Variants in SEPSECS observed in about 807,000 individuals in gnomAD.
SEPSECS encodes the protein Sep (O-phosphoserine) tRNA:Sec (selenocysteine) tRNA synthase.
Under a neutral mutation model 52.1 loss-of-function variants are expected in SEPSECS, and 42 were observed. That is an observed-to-expected ratio of 0.81 (90% CI 0.63 to 1.04). SEPSECS has a LOEUF of 1.04. SEPSECS is among the 50% of genes least tolerant of loss of function. The probability of loss-of-function intolerance (pLI) is 0.00; values close to 1 mark genes in which losing one functional copy is unlikely to be tolerated. For synonymous variants in SEPSECS, 216 were observed against 211.4 expected (o/e 1.02, Z -0.19); for missense variants, 590 against 610.6 (o/e 0.97, Z 0.36).
At position 25,160,285 on chromosome 4, in the gene SEPSECS, C is replaced by A; in HGVS notation, c.85G>T (p.Glu29Ter). 6.4e-7 allele frequency: 1 copy of A among 1,555,636 alleles called. No individual in the cohort carries two copies. The highest frequency in any genetic ancestry group is 1.2e-5 in the South Asian group (1 of 84,762). Residue 29 changes from glutamate to a stop codon, truncating the protein, a stop_gained, in exon 1 of 11, where the codon GAG becomes TAG. Coordinates refer to ENST00000382103, the MANE Select transcript of SEPSECS (RefSeq NM_016955.4). LOFTEE classifies it high-confidence loss of function. ...TCCAGAAGCAGCCGTATGAGGTGCT[C>A]ATGCGAGCGGCGGGCCTCACAGCCC... The part of the protein sequence containing the change: ...RQGCEARRSH[E>*]HLIRLLLEKG...
intron 5 of SEPSECS, among the ~76,000 whole-genome samples, chr4:25,154,248 C>A (rs1431693568): frequency 2.0e-5 from 3 of 151,952 alleles, no homozygotes; most frequent in African/African-American, 7.2e-5. Flanking sequence ...TTCATTATTG[C>A]CAAATAATGT....
chr4:25,158,034 CT>C (rs1355702257), intron 2 of SEPSECS, among the ~76,000 whole-genome samples: 1 of 152,108 alleles, frequency 6.6e-6, no homozygotes, highest in African/African-American at 2.4e-5. Context: ...ATAAAAAACC[CT>C]TTCGTAATTT....
chr4:25,137,908 C>T (rs967100164), intron 8 of SEPSECS, among the ~76,000 whole-genome samples: 7 of 152,134 alleles, frequency 4.6e-5, no homozygotes, highest in Non-Finnish European at 5.9e-5. Flanking sequence ...ACATCATGTC[C>T]TTTGCACGGA....
intron 8 of SEPSECS, among the ~76,000 whole-genome samples, chr4:25,135,743 T>TAAAA (rs573535405): frequency 1.3e-5 from 2 of 148,950 alleles, no homozygotes; most frequent in African/African-American, 4.9e-5. Flanking sequence ...GCAGAAATTT[T>TAAAA]AAAAAAAAAA....
rs1728165241 is a variant in SEPSECS, at chr4:25,122,432, C to G, written c.*1499G>C. On this transcript the variant is annotated 3_prime_UTR_variant, in exon 11 of 11. Transcript: ENST00000382103. ...GCAGCCCAGAAGGCAACACAGCATT[C>G]TCTACCATAGTGTTTTTAAAAGTAT... 1 of 152,200 alleles carries G rather than the reference C, an allele frequency of 6.6e-6. No homozygotes were observed. The highest frequency in any genetic ancestry group is 1.9e-4 in the East Asian group (1 of 5,208). The allele number at this position is 152,200 out of a possible 1,614,324, so 9.4% of individuals were successfully genotyped here.
At position 25,159,125 on chromosome 4, in the gene SEPSECS, A is replaced by G; in HGVS notation, c.115-18T>C. ...CACTTGCCCTTAAAAAAAAAAAAAA[A>G]CTTATGATTATATTTAATAAAACTA... On this transcript the variant is annotated intron_variant, in intron 1 of 10. Coordinates refer to ENST00000382103, the MANE Select transcript of SEPSECS (RefSeq NM_016955.4). The G allele has an allele frequency of 6.6e-7, 1 of 1,506,900 alleles. No homozygotes were observed. The highest frequency in any genetic ancestry group is 1.3e-5 in the South Asian group (1 of 79,804). 93.3% of individuals were successfully genotyped at this position (1,506,900 alleles called of 1,614,324 possible). A position where few individuals can be genotyped will look rare whatever the true frequency, so the allele number is the denominator to read the frequency against.
intron 1 of SEPSECS, 87 bp from the exon 2 acceptor site, chr4:25,159,194 G>A (rs1439577819): frequency 4.2e-6 from 5 of 1,199,356 alleles, no homozygotes; most frequent in African/African-American, 1.6e-5. Flanking sequence ...TCTTTTTAAC[G>A]TGTATTTTGC....
intron 10 of SEPSECS, chr4:25,125,210 G>T (rs955588664): frequency 6.5e-6 from 1 of 153,050 alleles, no homozygotes; most frequent in Non-Finnish European, 1.5e-5. Context: ...TGAAAAATCA[G>T]ATTCATTTTT....
In SEPSECS at chr4:25,125,613, G is replaced by C. The variant is rs1022120075; in HGVS notation, c.1211+81C>G. The C allele has an allele frequency of 8.4e-6, 7 of 837,720 alleles. No individual in the cohort carries two copies. The East Asian group carries it at 1.6e-4, about 19-fold the overall frequency. 51.9% of individuals were successfully genotyped at this position (837,720 alleles called of 1,614,324 possible). A position where few individuals can be genotyped will look rare whatever the true frequency, so the allele number is the denominator to read the frequency against. On this transcript the variant is annotated intron_variant, in intron 10 of 10. Coordinates refer to ENST00000382103, the MANE Select transcript of SEPSECS (RefSeq NM_016955.4). ...GGTATAGTTCAGGATATACTTGGGG[G>C]ACTATTGTTGAGGAAAGGTATTTTA...
At chr4:25,127,444 A>G in intron 8 of SEPSECS, 87 bp from the exon 9 acceptor site, 1 of 976,712 alleles carries the variant, frequency 1.0e-6, no homozygotes, top group Non-Finnish European at 1.6e-6. Flanking sequence ...TATGAAGTCT[A>G]CATTTTAAAT....
At chr4:25,157,120 T>C in intron 2 of SEPSECS, 146 bp from the exon 3 acceptor site, 2 of 696,308 alleles carry the variant, frequency 2.9e-6, no homozygotes, top group Non-Finnish European at 5.3e-6. Context: ...ATTAATGATG[T>C]GGAACTCTCC....
At chr4:25,149,143 C>T (rs187339250) in intron 6 of SEPSECS, among the ~76,000 whole-genome samples, 95 of 152,180 alleles carry the variant, frequency 6.2e-4, no homozygotes, top group African/African-American at 2.2e-3. Flanking sequence ...CTGCAAGCTC[C>T]GCCTCCTGGG....
chr4:25,152,297 C>CA (rs563505534), intron 5 of SEPSECS, among the ~76,000 whole-genome samples: 10 of 151,358 alleles, frequency 6.6e-5, no homozygotes, highest in Non-Finnish European at 1.0e-4. Context: ...TATCAATATA[C>CA]AAAAAAAATA....
intron 10 of SEPSECS, among the ~76,000 whole-genome samples, chr4:25,124,559 C>G (rs1463999043): frequency 6.6e-6 from 1 of 152,086 alleles, no homozygotes; most frequent in Non-Finnish European, 1.5e-5. Flanking sequence ...ACCTCTACAT[C>G]TTCTTTAAAG....
At chr4:25,131,118 G>T (rs1728589254) in intron 8 of SEPSECS, among the ~76,000 whole-genome samples, 1 of 152,168 alleles carries the variant, frequency 6.6e-6, no homozygotes. Flanking sequence ...GATGTTAATG[G>T]AAGAGAAGTT....
chr4:25,142,436 C>G (rs1711627073), intron 8 of SEPSECS, among the ~76,000 whole-genome samples: 1 of 152,166 alleles, frequency 6.6e-6, no homozygotes, highest in African/African-American at 2.4e-5. Context: ...TATTATGTTG[C>G]CTGTTTATTG....
chr4:25,132,016 T>C (rs1172050475), intron 8 of SEPSECS, among the ~76,000 whole-genome samples: 1 of 152,128 alleles, frequency 6.6e-6, no homozygotes, highest in Non-Finnish European at 1.5e-5. Context: ...AAATTCATGG[T>C]TATTTCTCCC....
At chr4:25,128,506 AAAAAT>A (rs1404145478) in intron 8 of SEPSECS, among the ~76,000 whole-genome samples, 2 of 152,188 alleles carry the variant, frequency 1.3e-5, no homozygotes, top group Non-Finnish European at 2.9e-5. Flanking sequence ...TCCCACTCTG[AAAAAT>A]AAAATATATT....
Position 25,127,377 on chromosome 4 carries a change from C to T in SEPSECS, c.1027-20G>A, listed in dbSNP as rs1311409515. On this transcript the variant is annotated intron_variant, in intron 8 of 10. Coordinates refer to ENST00000382103, the MANE Select transcript of SEPSECS (RefSeq NM_016955.4). ...CATTTCCTGCAACAACAAAATGTCA[C>T]ATTTAAAACAAATCAAATATCTACT... is the stretch of plus-strand genomic sequence containing the variant. The T allele has an allele frequency of 6.5e-7, 1 of 1,547,360 alleles. No homozygotes were observed. Among genetic ancestry groups the T allele is most frequent in the Non-Finnish European group, 8.9e-7 (1 of 1,120,318 alleles).
Sources: allele counts gnomAD v4.1 joint callset (sites outside exome capture counted in the v4.1 genomes callset), GRCh38; gene constraint gnomAD v4.1.1; transcripts MANE v1.5; gene names NCBI Gene and HGNC (gene_info 2026-07-23, HGNC 2026-07-21).